CSMD1: variants seen among roughly 807,000 people sequenced by gnomAD.
The protein encoded by CSMD1 is CUB and Sushi multiple domains 1.
A neutral mutation model predicts 417.5 loss-of-function variants in CSMD1; 213 were observed. The observed-to-expected ratio is 0.51, with a 90% CI of 0.46 to 0.57. The LOEUF is 0.57. Ranked by LOEUF, CSMD1 falls within the 20% of genes least tolerant of loss-of-function variation. The pLI is 0.00. For missense variants in CSMD1, 6,923 were observed against 4,529.7 expected (o/e 1.53, Z -15.17); for synonymous variants, 2,862 against 1,736.8 (o/e 1.65, Z -16.11).
chr8:4,277,271 G>A (rs60679258), intron 3 of CSMD1, among the ~76,000 whole-genome samples: 65 of 151,800 alleles, frequency 4.3e-4, no homozygotes, highest in African/African-American at 1.5e-3. Flanking sequence ...TATGAAGTTG[G>A]GTTGTATTCT....
intron 1 of CSMD1, among the ~76,000 whole-genome samples, chr8:4,738,579 G>A (rs184643966): frequency 2.0e-5 from 3 of 152,092 alleles, no homozygotes; most frequent in Non-Finnish European, 4.4e-5. Flanking sequence ...CTTGAATGGG[G>A]ACACAAAGCC....
At chr8:3,984,882 T>C (rs1292848694) in intron 5 of CSMD1, among the ~76,000 whole-genome samples, 1 of 151,748 alleles carries the variant, frequency 6.6e-6, no homozygotes, top group African/African-American at 2.4e-5. Context: ...TTTGAATCTA[T>C]GTCCATAAAA....
chr8:4,458,886 G>A (rs1037485280), intron 2 of CSMD1, among the ~76,000 whole-genome samples: 4 of 152,174 alleles, frequency 2.6e-5, no homozygotes, highest in Non-Finnish European at 4.4e-5. Flanking sequence ...AGTGAAACAA[G>A]CACAATGGGT....
At chr8:3,374,418 C>A (rs922255821) in intron 18 of CSMD1, among the ~76,000 whole-genome samples, 5 of 152,294 alleles carry the variant, frequency 3.3e-5, no homozygotes, top group Admixed American at 2.6e-4. Context: ...AGAAAAGTCC[C>A]TGTTTTTCCA....
chr8:4,494,576 G>C (rs916949842), intron 2 of CSMD1, among the ~76,000 whole-genome samples: 2 of 152,030 alleles, frequency 1.3e-5, no homozygotes, highest in Non-Finnish European at 2.9e-5. Context: ...TAAAAATAAT[G>C]CAAGTCAATA....
At chr8:4,350,495 G>C (rs539549745) in intron 3 of CSMD1, among the ~76,000 whole-genome samples, 12 of 152,180 alleles carry the variant, frequency 7.9e-5, no homozygotes, top group Admixed American at 1.3e-4. Context: ...ATAAAGGTAA[G>C]ATCACCGCAG....
chr8:3,504,904 C>T (rs571840419), intron 10 of CSMD1, among the ~76,000 whole-genome samples: 4 of 151,822 alleles, frequency 2.6e-5, no homozygotes, highest in African/African-American at 7.3e-5. Flanking sequence ...AAGCAGAACC[C>T]GTCAAAATGC....
chr8:3,353,554 C>T (rs1808552950), intron 21 of CSMD1, among the ~76,000 whole-genome samples: 1 of 152,138 alleles, frequency 6.6e-6, no homozygotes, highest in Non-Finnish European at 1.5e-5. Context: ...GACCCTGGGG[C>T]AGTATCCCGT....
intron 1 of CSMD1, among the ~76,000 whole-genome samples, chr8:4,761,389 TATATATATACACAC>T (rs1414282408): frequency 1.3e-5 from 2 of 152,120 alleles, no homozygotes; most frequent in African/African-American, 2.4e-5. Context: ...TGTGTGTATA[TATATATATACACAC>T]ATATATATAC....
At chr8:3,340,389 T>C (rs1342263743) in intron 23 of CSMD1, among the ~76,000 whole-genome samples, 2 of 152,042 alleles carry the variant, frequency 1.3e-5, no homozygotes, top group Admixed American at 6.6e-5. Context: ...ATGTTAGGGT[T>C]TTTTTTTATT....
chr8:3,762,618 C>A (rs1251733628), intron 5 of CSMD1, among the ~76,000 whole-genome samples: 2 of 152,214 alleles, frequency 1.3e-5, no homozygotes, highest in Non-Finnish European at 2.9e-5. Context: ...TGGCCCTAAG[C>A]CGCTCTTGTC....
At chr8:3,124,807 C>G (rs766349055) in intron 41 of CSMD1, among the ~76,000 whole-genome samples, 3 of 152,182 alleles carry the variant, frequency 2.0e-5, no homozygotes, top group Non-Finnish European at 4.4e-5. Context: ...TCCCATCTGC[C>G]AGTCAACATC....
chr8:4,213,326 G>A (rs537148408), intron 3 of CSMD1, among the ~76,000 whole-genome samples: 1 of 152,210 alleles, frequency 6.6e-6, no homozygotes, highest in South Asian at 2.1e-4. Flanking sequence ...CTCCAGACAT[G>A]CAATTCAGAG....
At chr8:3,907,453 G>C (rs922838745) in intron 5 of CSMD1, among the ~76,000 whole-genome samples, 8 of 152,244 alleles carry the variant, frequency 5.3e-5, no homozygotes, top group Non-Finnish European at 8.8e-5. Flanking sequence ...AAGCTGTCGA[G>C]GTACACTTTA....
At chr8:3,020,782 G>C (rs1001275019) in intron 51 of CSMD1, among the ~76,000 whole-genome samples, 2 of 152,170 alleles carry the variant, frequency 1.3e-5, no homozygotes, top group Non-Finnish European at 2.9e-5. Context: ...CAACTCGAGA[G>C]TCCATCACGA....
intron 26 of CSMD1, chr8:3,279,026 T>G (rs1484901075): frequency 6.6e-6 from 1 of 152,166 alleles, no homozygotes; most frequent in Non-Finnish European, 1.5e-5. Context: ...CAAATGTTTA[T>G]CAGGTTCTCA....
intron 2 of CSMD1, among the ~76,000 whole-genome samples, chr8:4,598,016 G>A (rs1054770312): frequency 2.0e-5 from 3 of 151,414 alleles, no homozygotes; most frequent in African/African-American, 2.4e-5. Context: ...TAGATATAAG[G>A]TTCTTTAGAA....
chr8:4,854,454 G>T (rs1358964339), intron 1 of CSMD1, among the ~76,000 whole-genome samples: 2 of 152,186 alleles, frequency 1.3e-5, no homozygotes, highest in Non-Finnish European at 2.9e-5. Context: ...AGCTCCCACT[G>T]TGAGCGACGC....
In CSMD1 at chr8:3,523,076, G is replaced by T. The variant is rs13282057; in HGVS notation, c.1345-29350C>A. On this transcript the variant is annotated intron_variant, in intron 10 of 69. Transcript: ENST00000635120. ...AATAAGAGTTAAAAATTGAATTCAG[G>T]TCTCTAACTCCACATCCAATATTAT... Among the ~76,000 whole-genome samples the T allele has an allele frequency of 2.9e-3, 436 of 150,616 alleles. 3 individuals are homozygous for T. Among genetic ancestry groups the T allele is most frequent in the Middle Eastern group, 0.014 (4 of 292 alleles).
Sources: allele counts gnomAD v4.1 joint callset (sites outside exome capture counted in the v4.1 genomes callset), GRCh38; gene constraint gnomAD v4.1.1; transcripts MANE v1.5; gene names NCBI Gene and HGNC (gene_info 2026-07-23, HGNC 2026-07-21).